Variants in PRDM15 observed in about 807,000 individuals in gnomAD.
PRDM15 encodes the protein PR/SET domain 15, also known as PR domain zinc finger protein 15.
A neutral mutation model predicts 128.6 loss-of-function variants in PRDM15; 64 were observed. The observed-to-expected ratio is 0.50, with a 90% CI of 0.41 to 0.61. The LOEUF (loss-of-function observed/expected upper bound fraction) is 0.61, where lower values mean the gene tolerates loss of function less well. Among genes scored for constraint, PRDM15 ranks in the 20% least tolerant of loss-of-function variants. The pLI, the probability that PRDM15 is intolerant of heterozygous loss-of-function variation, is 0.00. For missense variants in PRDM15, 1,242 were observed against 1,569.1 expected (o/e 0.79, Z 3.52); for synonymous variants, 615 against 621.8 (o/e 0.99, Z 0.16).
chr21:41,825,461 T>C (rs900997157), intron 13 of PRDM15, among the ~76,000 whole-genome samples: 1 of 152,252 alleles, frequency 6.6e-6, no homozygotes, highest in Non-Finnish European at 1.5e-5. Context: ...CTTTCCTCTC[T>C]TGGGCAGCGC....
In PRDM15 at chr21:41,815,822, G is replaced by A; in HGVS notation, c.2275C>T (p.His759Tyr). The change falls in exon 19 of 24, where the codon CAC (histidine) becomes TAC (tyrosine). Residue 759 changes from histidine to tyrosine, a missense_variant. Around this residue, in one of 3 missense-constraint regions of PRDM15, gnomAD observed 602 missense variants for 788.3 expected, o/e 0.76. Coordinates refer to ENST00000398548, the MANE Select transcript of PRDM15 (RefSeq NM_001040424.3). ...AGCTTCATGTGGTGGCGCAGCGCGT[G>A]CTTGGTCTTCATGCCTTCAAGGACA... ...AECGKGMKTK[H>Y]ALRHHMKLHK... 1 of 1,613,626 alleles carries A rather than the reference G, an allele frequency of 6.2e-7. No homozygotes were observed. Among genetic ancestry groups the A allele is most frequent in the Non-Finnish European group, 8.5e-7 (1 of 1,179,922 alleles).
At chr21:41,842,816 A>C (rs2063115331) in intron 6 of PRDM15, among the ~76,000 whole-genome samples, 4 of 94,614 alleles carry the variant, frequency 4.2e-5, no homozygotes, top group Admixed American at 1.3e-4. Context: ...ACGGAGTCTC[A>C]CTCTGTCGCC....
In PRDM15 at chr21:41,823,556, C is replaced by T. The variant is rs184415762; in HGVS notation, c.1630-107G>A. The T allele has an allele frequency of 3.3e-6, 4 of 1,204,398 alleles. No individual in the cohort carries two copies. In the African/African-American group the frequency reaches 6.1e-5, roughly 18 times the overall value. 74.6% of individuals were successfully genotyped at this position (1,204,398 alleles called of 1,614,324 possible). A position where few individuals can be genotyped will look rare whatever the true frequency, so the allele number is the denominator to read the frequency against. On this transcript the variant is annotated intron_variant, in intron 13 of 23. Coordinates refer to ENST00000398548, the MANE Select transcript of PRDM15 (RefSeq NM_001040424.3). ...ACCACAACCCGGGACGGAAACACAG[C>T]ACTGTGCTCCAGGCCTTGCATCTCC... is the stretch of plus-strand genomic sequence containing the variant.
intron 1 of PRDM15, among the ~76,000 whole-genome samples, chr21:41,874,070 GAA>G (rs34938588): frequency 0.029 from 3,162 of 107,626 alleles, 80 homozygotes; most frequent in East Asian, 0.075. Flanking sequence ...TCTGTCTCGG[GAA>G]AAAAAAAAAA....
intron 18 of PRDM15, among the ~76,000 whole-genome samples, chr21:41,817,829 C>G (rs1489823017): frequency 6.6e-6 from 1 of 152,234 alleles, no homozygotes; most frequent in East Asian, 1.9e-4. Context: ...TAAAATAAAT[C>G]TGGCAACTGA....
At chr21:41,825,848 G>A (rs952961212) in intron 13 of PRDM15, 112 bp downstream of exon 13, 7 of 837,902 alleles carry the variant, frequency 8.4e-6, no homozygotes, top group Admixed American at 2.1e-5. Context: ...AGCACCCATC[G>A]TTACCCCCCA....
intron 21 of PRDM15, among the ~76,000 whole-genome samples, chr21:41,806,093 T>C (rs867636146): frequency 0.072 from 152 of 2,124 alleles, no homozygotes; most frequent in South Asian, 0.088. Context: ...ACCACCACCA[T>C]CACCACCACC....
rs748249535 is a variant in PRDM15 at position 41,845,781 on chromosome 21, C to A, written c.640+1309G>T. Among the ~76,000 whole-genome samples the A allele has an allele frequency of 3.3e-5, 5 of 152,194 alleles. No individual in the cohort carries two copies. The South Asian group carries it at 6.2e-4, about 19-fold the overall frequency. On this transcript the variant is annotated intron_variant, in intron 6 of 23. Coordinates refer to ENST00000398548, the MANE Select transcript of PRDM15 (RefSeq NM_001040424.3). ...TTTCACTGAAAATATGAAGGAATTT[C>A]TTTTTTCTTCACTCAAAACTAGTTA... is the stretch of plus-strand genomic sequence containing the variant.
At chr21:41,831,241 A>G (rs1418468140) in intron 11 of PRDM15, among the ~76,000 whole-genome samples, 1 of 152,238 alleles carries the variant, frequency 6.6e-6, no homozygotes, top group East Asian at 1.9e-4. Context: ...GAGCCGCCAC[A>G]GAGTGTCTCA....
intron 1 of PRDM15, chr21:41,877,487 T>C (rs1569036486): frequency 6.6e-6 from 1 of 152,226 alleles, no homozygotes; most frequent in Non-Finnish European, 1.5e-5. Context: ...ATCCACACTT[T>C]GCAAATGAGG....
At chr21:41,825,920 G>A (rs563127972) in intron 13 of PRDM15, 40 bp downstream of exon 13, 6 of 1,436,348 alleles carry the variant, frequency 4.2e-6, no homozygotes, top group Non-Finnish European at 5.9e-6. Context: ...AAAATGATGT[G>A]CTTTCCATCT....
rs200127182 is a variant in PRDM15 at position 41,839,644 on chromosome 21, C to A, written c.850G>T (p.Val284Leu). Residue 284 changes from valine (V) to leucine (L), a missense_variant, in exon 7 of 24, where the codon GTG becomes TTG. Transcript: ENST00000398548. ...VSKAEQPLVI[V>L]EDKEPTEQVA... Reference sequence around the variant, plus strand: ...TCACCTGTGGGTTCCTTGTCTTCCACGATGACTAGAGGCTGCTCAGCTTTG... The same window carrying A: ...TCACCTGTGGGTTCCTTGTCTTCCAAGATGACTAGAGGCTGCTCAGCTTTG... 6.2e-7 allele frequency: 1 copy of A among 1,614,200 alleles called. No homozygotes were observed. The highest frequency in any genetic ancestry group is 2.2e-5 in the East Asian group (1 of 44,884).
Position 41,801,155 on chromosome 21 carries a change from T to G in PRDM15, c.*85A>C. On this transcript the variant is annotated 3_prime_UTR_variant, in exon 24 of 24. Coordinates refer to ENST00000398548, the MANE Select transcript of PRDM15 (RefSeq NM_001040424.3). Reference sequence around the variant, plus strand: ...CCTTACATTGCAATGTATGACTTTTTGTTTGTTTGGTATCCAGCAAACACA... The same window carrying G: ...CCTTACATTGCAATGTATGACTTTTGGTTTGTTTGGTATCCAGCAAACACA... 6.7e-7 allele frequency: 1 copy of G among 1,485,862 alleles called. No homozygotes were observed. The highest frequency in any genetic ancestry group is 8.9e-7 in the Non-Finnish European group (1 of 1,123,840). 92.0% of individuals were successfully genotyped at this position (1,485,862 alleles called of 1,614,324 possible). A position where few individuals can be genotyped will look rare whatever the true frequency, so the allele number is the denominator to read the frequency against.
intron 5 of PRDM15, among the ~76,000 whole-genome samples, chr21:41,852,720 C>A (rs1218782096): frequency 6.6e-6 from 1 of 152,202 alleles, no homozygotes; most frequent in African/African-American, 2.4e-5. Flanking sequence ...AGCCGCCTGG[C>A]TCCTCACCAA....
At chr21:41,803,022 T>G in intron 22 of PRDM15, 101 bp from the exon 23 acceptor site, 1 of 882,780 alleles carries the variant, frequency 1.1e-6, no homozygotes, top group Non-Finnish European at 1.9e-6. Flanking sequence ...CTCCAATCAG[T>G]GGGGACGCTT....
At chr21:41,843,658 G>C (rs1479766073) in intron 6 of PRDM15, among the ~76,000 whole-genome samples, 1 of 152,202 alleles carries the variant, frequency 6.6e-6, no homozygotes, top group Admixed American at 6.5e-5. Flanking sequence ...TTCTGGCATG[G>C]TGAAGGCATT....
At position 41,810,955 on chromosome 21, in the gene PRDM15, G is replaced by T; in HGVS notation, c.2393-119C>A. The T allele has an allele frequency of 1.2e-6, 1 of 821,778 alleles. No homozygotes were observed. Among genetic ancestry groups the T allele is most frequent in the Admixed American group, 2.0e-5 (1 of 49,062 alleles). 50.9% of individuals were successfully genotyped at this position (821,778 alleles called of 1,614,324 possible). A position where few individuals can be genotyped will look rare whatever the true frequency, so the allele number is the denominator to read the frequency against. ...TAGGGCCTTCAGGAGAAGGTGAATT[G>T]CAAGAAGACAGCAGACAATGAACGC... On this transcript the variant is annotated intron_variant, in intron 19 of 23. Coordinates refer to ENST00000398548, the MANE Select transcript of PRDM15 (RefSeq NM_001040424.3). The surrounding 1 kb of genome is among the most constrained non-coding windows in gnomAD (Gnocchi z 6.4).
intron 1 of PRDM15, among the ~76,000 whole-genome samples, chr21:41,865,330 G>A (rs1354588668): frequency 2.6e-5 from 4 of 152,276 alleles, no homozygotes; most frequent in Admixed American, 6.5e-5. Context: ...ACCGTCACCC[G>A]TGTAGCCATG....
intron 1 of PRDM15, among the ~76,000 whole-genome samples, chr21:41,875,209 T>G (rs1475827387): frequency 6.6e-6 from 1 of 152,172 alleles, no homozygotes; most frequent in East Asian, 1.9e-4. Context: ...GCACCTCCCC[T>G]CCAGAGCCTC....
Sources: allele counts gnomAD v4.1 joint callset (sites outside exome capture counted in the v4.1 genomes callset), GRCh38; gene constraint gnomAD v4.1.1; regional missense constraint gnomAD v4.1.1; non-coding constraint Gnocchi (gnomAD v3.1); transcripts MANE v1.5; gene names NCBI Gene and HGNC (gene_info 2026-07-23, HGNC 2026-07-21).